The following ST3GAL1 variants were observed in gnomAD, a reference collection of about 807,000 sequenced individuals.
ST3GAL1 encodes CMP-N-acetylneuraminate-beta-galactosamide-alpha-2,3-sialyltransferase 1.
ST3GAL1 carries 16 observed loss-of-function variants against 34.1 expected under a neutral mutation model. That is an observed-to-expected ratio of 0.47 (90% CI 0.32 to 0.71). The LOEUF is 0.71. ST3GAL1 is among the 30% of genes least tolerant of loss of function. ST3GAL1 has a pLI of 0.04. For synonymous variants in ST3GAL1, 191 were observed against 184.7 expected (o/e 1.03, Z -0.28); for missense variants, 353 against 447.4 (o/e 0.79, Z 1.90).
chr8:133,557,125 T>A (rs1247730902), intron 1 of ST3GAL1, among the ~76,000 whole-genome samples: 1 of 151,982 alleles, frequency 6.6e-6, no homozygotes, highest in Non-Finnish European at 1.5e-5. Context: ...GATTAGACAG[T>A]GAATGGGCCT....
In ST3GAL1 at chr8:133,464,757, G is replaced by A. The variant is rs752457516; in HGVS notation, c.683+21C>T. 2.6e-4 allele frequency: 416 copies of A among 1,603,098 alleles called. 1 individual carries two copies. The highest frequency in any genetic ancestry group is 3.3e-4 in the Non-Finnish European group (388 of 1,172,870). ...ACTGCAAGGGGCAGAGCAGCGAGGC[G>A]GGGCCACAGGAGGGACTCACTGGGA... On this transcript the variant is annotated intron_variant, in intron 7 of 9. Transcript: ENST00000522652.
Position 133,471,798 on chromosome 8 carries a change from G to A in ST3GAL1, c.306+3921C>T, listed in dbSNP as rs368907400. ...CTGGCCAGAGTTGGTGCTAGGCGCC[G>A]GGTGGACAGTATGATGGTATTATTT... On this transcript the variant is annotated intron_variant, in intron 5 of 9. Transcript: ENST00000522652. Among the ~76,000 whole-genome samples the A allele has an allele frequency of 1.6e-4, 24 of 152,192 alleles. No individual in the cohort carries two copies. In the East Asian group the frequency reaches 1.9e-3, roughly 12 times the overall value.
chr8:133,540,784 T>TATATATAGACATATATATATAGAGAC (rs1385008667), intron 2 of ST3GAL1, among the ~76,000 whole-genome samples: 1 of 138,864 alleles, frequency 7.2e-6, no homozygotes, highest in Non-Finnish European at 1.5e-5. Flanking sequence ...TAGAGACATA[T>TATATATAGACATATATATATAGAGAC]ATATATATAG....
intron 3 of ST3GAL1, among the ~76,000 whole-genome samples, chr8:133,488,990 G>A (rs1201082631): frequency 1.3e-5 from 2 of 152,174 alleles, no homozygotes; most frequent in African/African-American, 4.8e-5. Flanking sequence ...TGACTGCCTT[G>A]GCGCCCTCCC....
chr8:133,560,243 CTA>C (rs1467533437), intron 1 of ST3GAL1, among the ~76,000 whole-genome samples: 2 of 111,138 alleles, frequency 1.8e-5, no homozygotes, highest in African/African-American at 5.5e-5. Context: ...TGTACAATTA[CTA>C]TGTGTCAGTT....
chr8:133,557,114 T>C (rs1201105836), intron 1 of ST3GAL1, among the ~76,000 whole-genome samples: 3 of 152,126 alleles, frequency 2.0e-5, no homozygotes, highest in Admixed American at 1.3e-4. Context: ...GCTCAAAGCC[T>C]GATTAGACAG....
At chr8:133,540,219 C>A (rs974439611) in intron 2 of ST3GAL1, among the ~76,000 whole-genome samples, 4 of 152,136 alleles carry the variant, frequency 2.6e-5, no homozygotes, top group African/African-American at 9.7e-5. Flanking sequence ...TCCCCTCCCA[C>A]CCCAAACAAC....
intron 1 of ST3GAL1, among the ~76,000 whole-genome samples, chr8:133,553,106 C>T (rs1186919036): frequency 6.6e-6 from 1 of 152,098 alleles, no homozygotes; most frequent in African/African-American, 2.4e-5. Context: ...GCTGACATGA[C>T]CTTGAGGCAC....
Position 133,561,502 on chromosome 8 carries a change from G to A in ST3GAL1, c.-582+10191C>T, listed in dbSNP as rs374847682. Among the ~76,000 whole-genome samples, 247 of 152,066 alleles carry A rather than the reference G, an allele frequency of 1.6e-3. 3 individuals carry two copies. Among genetic ancestry groups the A allele is most frequent in the African/African-American group, 5.6e-3 (232 of 41,502 alleles). On this transcript the variant is annotated intron_variant, in intron 1 of 9. Coordinates refer to ENST00000522652, the MANE Select transcript of ST3GAL1 (RefSeq NM_173344.3). ...CTTGGCCAAGTCAGCTTGTGGTTCC[G>A]GTTCACTCCTATTTCACATGAACTG...
At chr8:133,523,012 C>T (rs1374209772) in intron 2 of ST3GAL1, among the ~76,000 whole-genome samples, 3 of 152,194 alleles carry the variant, frequency 2.0e-5, no homozygotes, top group Non-Finnish European at 4.4e-5. Flanking sequence ...ACATTCAGCA[C>T]GGTGTTTCTA....
intron 2 of ST3GAL1, among the ~76,000 whole-genome samples, chr8:133,507,024 G>C (rs912382975): frequency 2.6e-5 from 4 of 152,038 alleles, no homozygotes; most frequent in African/African-American, 9.7e-5. Context: ...AGGCCTACAA[G>C]TTAGTCCTTG....
At chr8:133,568,681 C>T (rs1273017451) in intron 1 of ST3GAL1, among the ~76,000 whole-genome samples, 1 of 151,726 alleles carries the variant, frequency 6.6e-6, no homozygotes, top group East Asian at 2.0e-4. Flanking sequence ...GAGTCAGCAA[C>T]CTTCTACACA....
At chr8:133,502,154 C>T (rs1817174721) in intron 2 of ST3GAL1, among the ~76,000 whole-genome samples, 2 of 152,120 alleles carry the variant, frequency 1.3e-5, no homozygotes, top group African/African-American at 4.8e-5. Context: ...AATGTGAGGC[C>T]TGCTATCCCT....
chr8:133,483,224 C>A (rs1377469738), intron 3 of ST3GAL1, among the ~76,000 whole-genome samples: 6 of 152,142 alleles, frequency 3.9e-5, no homozygotes, highest in Non-Finnish European at 2.9e-5. Flanking sequence ...CACCTGTAAT[C>A]CCAGCTACTT....
chr8:133,568,999 G>A (rs1243567947), intron 1 of ST3GAL1, among the ~76,000 whole-genome samples: 1 of 152,198 alleles, frequency 6.6e-6, no homozygotes, highest in Non-Finnish European at 1.5e-5. Flanking sequence ...CAAGAAGGCT[G>A]CTCAGAAGGC....
Position 133,467,839 on chromosome 8 carries a change from G to C in ST3GAL1, c.307-1749C>G, listed in dbSNP as rs1169546118. ...AAGGGGAGGCACACAAGCAGAACCA[G>C]ATTGCTCTTCCAGTTAAACCCAGGC... On this transcript the variant is annotated intron_variant, in intron 5 of 9. Coordinates refer to ENST00000522652, the MANE Select transcript of ST3GAL1 (RefSeq NM_173344.3). The surrounding 1 kb of genome is among the most constrained non-coding windows in gnomAD (Gnocchi z 4.2). 6.6e-6 allele frequency among the ~76,000 whole-genome samples: 1 copy of C among 152,162 alleles called. No individual in the cohort carries two copies. The highest frequency in any genetic ancestry group is 2.4e-5 in the African/African-American group (1 of 41,446).
intron 2 of ST3GAL1, among the ~76,000 whole-genome samples, chr8:133,505,552 A>G (rs1817304865): frequency 6.6e-6 from 1 of 151,996 alleles, no homozygotes; most frequent in Non-Finnish European, 1.5e-5. Context: ...CAGGTCTGTC[A>G]CAGTTCTTTA....
intron 2 of ST3GAL1, among the ~76,000 whole-genome samples, chr8:133,504,947 G>A (rs558375556): frequency 3.9e-5 from 6 of 152,234 alleles, no homozygotes; most frequent in South Asian, 4.1e-4. Flanking sequence ...CCACGATCTC[G>A]AAGTTCAGGA....
intron 3 of ST3GAL1, among the ~76,000 whole-genome samples, chr8:133,478,662 C>T (rs772822091): frequency 1.3e-5 from 2 of 152,210 alleles, no homozygotes; most frequent in Non-Finnish European, 2.9e-5. Flanking sequence ...CCTGCTTTGC[C>T]GATGGCTCTT....
Sources: allele counts gnomAD v4.1 joint callset (sites outside exome capture counted in the v4.1 genomes callset), GRCh38; gene constraint gnomAD v4.1.1; non-coding constraint Gnocchi (gnomAD v3.1); transcripts MANE v1.5; gene names NCBI Gene and HGNC (gene_info 2026-07-23, HGNC 2026-07-21).